The following PLOD2 variants were observed in gnomAD, a reference collection of about 807,000 sequenced individuals.
The protein encoded by PLOD2 is lysine hydroxylase 2.
In PLOD2, 65 loss-of-function variants were observed where a neutral mutation model predicts 101.0. The observed-to-expected ratio is 0.64, with a 90% confidence interval of 0.53 to 0.79. PLOD2 has a LOEUF of 0.79. Ranked by LOEUF, PLOD2 falls within the 30% of genes least tolerant of loss-of-function variation. The probability of loss-of-function intolerance (pLI) is 0.00; values close to 1 mark genes in which losing one functional copy is unlikely to be tolerated. For missense variants in PLOD2, 909 were observed against 914.6 expected (o/e 0.99, Z 0.08); for synonymous variants, 314 against 302.9 (o/e 1.04, Z -0.38).
Position 146,079,227 on chromosome 3 carries a change from A to G in PLOD2, c.1389T>C (p.Asn463=). The part of the protein sequence containing the change: ...VGVWNVPYMA[N]VYLIKGKTLR... ...GTGTCTTTCCTTTAATTAAGTACAC[A>G]TTAGCCATATATGGGACATTCCATA... The change falls in exon 13 of 20, where the codon AAT becomes AAC. Residue 463 remains asparagine, a synonymous_variant. Coordinates refer to ENST00000282903, the MANE Select transcript of PLOD2 (RefSeq NM_182943.3). 1 of 1,608,720 alleles carries G rather than the reference A, an allele frequency of 6.2e-7. No homozygotes were observed. Among genetic ancestry groups the G allele is most frequent in the Non-Finnish European group, 8.5e-7 (1 of 1,175,350 alleles).
At chr3:146,149,983 T>C (rs572929476) in intron 1 of PLOD2, among the ~76,000 whole-genome samples, 2 of 152,100 alleles carry the variant, frequency 1.3e-5, no homozygotes, top group African/African-American at 4.8e-5. Flanking sequence ...AGTCTCAGAG[T>C]GTACCACTCA....
rs755619420 is a variant in PLOD2 at position 146,072,637 on chromosome 3, A to G, written c.1772T>C (p.Ile591Thr). Residue 591 changes from isoleucine (I) to threonine (T), a missense_variant, in exon 17 of 20, where the codon ATA (isoleucine) becomes ACA (threonine). Ile to Thr is a moderately conservative substitution (Grantham distance 89). Coordinates refer to ENST00000282903, the MANE Select transcript of PLOD2 (RefSeq NM_182943.3). ...TTCATCACAGGCTTTTTCAGAAAAT[A>G]TGGGGAACCAAAAGACATCTGGACA... ...QPCPDVFWFP[I>T]FSEKACDELV... 1.9e-6 allele frequency: 3 copies of G among 1,609,166 alleles called. No homozygotes were observed. In the South Asian group the frequency reaches 3.3e-5, roughly 18 times the overall value.
Position 146,161,069 on chromosome 3 carries a change from G to A in PLOD2, c.-80C>T, listed in dbSNP as rs1157212941. ...GCTTCTCGCGAGAACGCAGAGACCC[G>A]GGTCCGCCCTGAGCCGCCGATTGCG... is the stretch of plus-strand genomic sequence containing the variant. On this transcript the variant is annotated 5_prime_UTR_variant, in exon 1 of 20. Coordinates refer to ENST00000282903, the MANE Select transcript of PLOD2 (RefSeq NM_182943.3). The A allele has an allele frequency of 1.7e-5, 18 of 1,061,274 alleles. No homozygotes were observed. The highest frequency in any genetic ancestry group is 4.2e-5 in the Admixed American group (2 of 47,612). The allele number at this position is 1,061,274 out of a possible 1,614,324, so 65.7% of individuals were successfully genotyped here.
intron 15 of PLOD2, 78 bp from the exon 16 acceptor site, chr3:146,073,430 A>C (rs1936222550): frequency 1.8e-6 from 1 of 550,886 alleles, no homozygotes; most frequent in Non-Finnish European, 3.3e-6. Flanking sequence ...TGCATTTTAG[A>C]AATTATTCAA....
In PLOD2 at chr3:146,118,661, T is replaced by C. The variant is rs1938032863; in HGVS notation, c.338+2451A>G. Among the ~76,000 whole-genome samples, 3 of 151,992 alleles carry C rather than the reference T, an allele frequency of 2.0e-5. No homozygotes were observed. In the South Asian group the frequency reaches 6.2e-4, roughly 32 times the overall value. The stretch of plus-strand genomic sequence containing the variant: ...GTAGTAACTAATAACTCATGACAAT[T>C]TGATGTTATTATAAAATTATAAGAA... On this transcript the variant is annotated intron_variant, in intron 3 of 19. Transcript: ENST00000282903.
intron 1 of PLOD2, among the ~76,000 whole-genome samples, chr3:146,146,596 C>G (rs953715189): frequency 1.3e-5 from 2 of 152,098 alleles, no homozygotes; most frequent in Admixed American, 6.6e-5. Context: ...CTGAATTCTG[C>G]ATTGTTGGTA....
rs1291193729 is a variant in PLOD2, at chr3:146,096,806, T to A, written c.778-4905A>T. ...CCACCCCGTCCGGGAGGTGAGGGGCTCCTCTGCCCGGCCGCCCCTACTGGG... is the reference window on the plus strand; with the variant it reads ...CCACCCCGTCCGGGAGGTGAGGGGCACCTCTGCCCGGCCGCCCCTACTGGG... On this transcript the variant is annotated intron_variant, in intron 7 of 19. Coordinates refer to ENST00000282903, the MANE Select transcript of PLOD2 (RefSeq NM_182943.3). Among the ~76,000 whole-genome samples the A allele has an allele frequency of 4.5e-3, 539 of 121,108 alleles. 5 individuals carry two copies. The highest frequency in any genetic ancestry group is 0.017 in the African/African-American group (517 of 31,114). 79.5% of individuals were successfully genotyped at this position (121,108 alleles called of 152,430 possible). A position where few individuals can be genotyped will look rare whatever the true frequency, so the allele number is the denominator to read the frequency against.
At chr3:146,097,413 T>G (rs1937236577) in intron 7 of PLOD2, among the ~76,000 whole-genome samples, 2 of 124,756 alleles carry the variant, frequency 1.6e-5, no homozygotes, top group Non-Finnish European at 1.7e-5. Context: ...TCTGTGTGGA[T>G]AGAAGTAGAC....
intron 8 of PLOD2, 122 bp downstream of exon 8, chr3:146,091,678 T>C (rs751688195): frequency 9.8e-5 from 66 of 672,466 alleles, no homozygotes; most frequent in Non-Finnish European, 1.6e-4. Flanking sequence ...TAACACTATA[T>C]CCCCATTATC....
chr3:146,071,192 G>A, intron 18 of PLOD2, 25 bp from the exon 19 acceptor site: 1 of 1,610,736 alleles, frequency 6.2e-7, no homozygotes, highest in East Asian at 2.2e-5. Flanking sequence ...TAAGCCAGTG[G>A]ATTTGCTTAT....
chr3:146,133,008 T>C (rs1176408633), intron 1 of PLOD2, among the ~76,000 whole-genome samples: 1 of 152,084 alleles, frequency 6.6e-6, no homozygotes, highest in Non-Finnish European at 1.5e-5. Context: ...ACCCGGTCTC[T>C]ACTAAAAATA....
At position 146,102,755 on chromosome 3, in the gene PLOD2, C is replaced by A; in HGVS notation, c.777G>T (p.Lys259Asn). The change falls in exon 7 of 20, where the codon AAG (lysine) becomes AAT (asparagine). Residue 259 changes from lysine (K) to asparagine (N), a missense_variant and splice_region_variant. Lys to Asn is a moderately conservative substitution (Grantham distance 94). Coordinates refer to ENST00000282903, the MANE Select transcript of PLOD2 (RefSeq NM_182943.3). ...CCAAATAAAAGTAACTGTTACTTAC[C>A]TTGGTGGGTCCATTTCCATTAATTG... ...PVAINGNGPT[K>N]ILLNYFGNYV... 1 of 1,479,644 alleles carries A rather than the reference C, an allele frequency of 6.8e-7. No homozygotes were observed. Among genetic ancestry groups the A allele is most frequent in the Non-Finnish European group, 9.5e-7 (1 of 1,057,402 alleles). 91.7% of individuals were successfully genotyped at this position (1,479,644 alleles called of 1,614,324 possible). A position where few individuals can be genotyped will look rare whatever the true frequency, so the allele number is the denominator to read the frequency against.
At chr3:146,109,557 G>T (rs772283905) in intron 4 of PLOD2, among the ~76,000 whole-genome samples, 1 of 152,270 alleles carries the variant, frequency 6.6e-6, no homozygotes, top group Admixed American at 6.5e-5. Flanking sequence ...TTCCAATGTG[G>T]TTTGCAATTT....
chr3:146,085,116 A>G (rs1362821158), intron 11 of PLOD2, 53 bp downstream of exon 11: 1 of 847,798 alleles, frequency 1.2e-6, no homozygotes, highest in Non-Finnish European at 2.0e-6. Flanking sequence ...GTTCACATCA[A>G]TATGAAAAAT....
At chr3:146,118,705 A>G (rs1938037678) in intron 3 of PLOD2, among the ~76,000 whole-genome samples, 1 of 152,158 alleles carries the variant, frequency 6.6e-6, no homozygotes, top group Non-Finnish European at 1.5e-5. Context: ...AAAAGAGTGG[A>G]TATTTTAATT....
At chr3:146,077,432 TG>T (rs1936385539) in intron 14 of PLOD2, 1 of 163,902 alleles carries the variant, frequency 6.1e-6, no homozygotes, top group South Asian at 1.7e-4. Context: ...ACCAGACAAA[TG>T]TGGCAAACAC....
intron 1 of PLOD2, among the ~76,000 whole-genome samples, chr3:146,147,116 G>A (rs1204944897): frequency 6.6e-6 from 1 of 152,116 alleles, no homozygotes; most frequent in Non-Finnish European, 1.5e-5. Context: ...TGAAAAGACT[G>A]AGAATAACAT....
At chr3:146,144,497 G>A (rs1284435824) in intron 1 of PLOD2, among the ~76,000 whole-genome samples, 1 of 147,766 alleles carries the variant, frequency 6.8e-6, no homozygotes, top group East Asian at 2.0e-4. Context: ...GACAGAAAGA[G>A]TACATATCTT....
intron 1 of PLOD2, among the ~76,000 whole-genome samples, chr3:146,154,380 G>GT (rs1278977066): frequency 6.6e-6 from 1 of 151,770 alleles, no homozygotes; most frequent in African/African-American, 2.4e-5. Context: ...TGTCACTTCT[G>GT]TATTGATAAT....
Sources: gnomAD v4.1 joint callset for allele counts (sites outside exome capture counted in the v4.1 genomes callset) on GRCh38, gnomAD v4.1.1 for gene constraint, MANE v1.5 for transcripts, NCBI Gene and HGNC (gene_info 2026-07-23, HGNC 2026-07-21) for gene names.